The following ZNF618 variants were observed in gnomAD, a reference collection of about 807,000 sequenced individuals.
ZNF618 encodes neural precursor cell expressed, developmentally down-regulated 10.
ZNF618 carries 34 observed loss-of-function variants against 103.0 expected under a neutral mutation model. That is an observed-to-expected ratio of 0.33 (90% CI 0.25 to 0.44). The LOEUF (loss-of-function observed/expected upper bound fraction) is 0.44. Among genes scored for constraint, ZNF618 ranks in the 20% least tolerant of loss-of-function variants. The pLI is 1.00. For missense variants in ZNF618, 1,059 were observed against 1,295.4 expected (o/e 0.82, Z 2.80); for synonymous variants, 551 against 542.2 (o/e 1.02, Z -0.23).
intron 4 of ZNF618, among the ~76,000 whole-genome samples, chr9:113,999,367 G>A (rs780758770): frequency 3.5e-4 from 53 of 152,030 alleles, no homozygotes; most frequent in Middle Eastern, 3.4e-3. Context: ...TAGGCTGAGC[G>A]AGGCGCAGGC....
intron 1 of ZNF618, among the ~76,000 whole-genome samples, chr9:113,959,234 C>T (rs573108200): frequency 6.6e-6 from 1 of 152,134 alleles, no homozygotes; most frequent in Non-Finnish European, 1.5e-5. Context: ...TTGCGGTGAG[C>T]CGAGATTGCG....
chr9:113,992,375 A>G (rs1204267318), intron 3 of ZNF618, among the ~76,000 whole-genome samples: 1 of 152,072 alleles, frequency 6.6e-6, no homozygotes, highest in Non-Finnish European at 1.5e-5. Flanking sequence ...CTACCACAAC[A>G]CCTACCTCCT....
chr9:113,898,437 C>CT lies in ZNF618; in HGVS notation c.33+22024_33+22025insT, dbSNP rs771877141. 7.4e-3 allele frequency among the ~76,000 whole-genome samples: 869 copies of CT among 118,128 alleles called. 5 individuals carry two copies. The highest frequency in any genetic ancestry group is 9.8e-3 in the Non-Finnish European group (554 of 56,290). 77.5% of individuals were successfully genotyped at this position (118,128 alleles called of 152,430 possible). A position where few individuals can be genotyped will look rare whatever the true frequency, so the allele number is the denominator to read the frequency against. On this transcript the variant is annotated intron_variant, in intron 1 of 14. Coordinates refer to ENST00000374126, the MANE Select transcript of ZNF618 (RefSeq NM_001318042.2). Reference sequence around the variant, plus strand: ...TCAGTAGCTGCTTCCTCAGATTTTTCGTTTTTTTTTTTTTTTTTTAAGAGA... The same window carrying CT: ...TCAGTAGCTGCTTCCTCAGATTTTTCTGTTTTTTTTTTTTTTTTTTAAGAGA...
At chr9:113,883,288 C>T (rs1037031157) in intron 1 of ZNF618, among the ~76,000 whole-genome samples, 3 of 152,212 alleles carry the variant, frequency 2.0e-5, no homozygotes, top group African/African-American at 4.8e-5. Context: ...TGCTCCTTTA[C>T]ATGTCTTGGG....
intron 2 of ZNF618, among the ~76,000 whole-genome samples, chr9:113,987,017 T>A (rs4979310): frequency 6.6e-6 from 1 of 152,170 alleles, no homozygotes; most frequent in African/African-American, 2.4e-5. Flanking sequence ...TGTGCTGCAG[T>A]TGGAATGCTG....
chr9:113,931,715 T>TG (rs1402852330), intron 1 of ZNF618, among the ~76,000 whole-genome samples: 3 of 152,218 alleles, frequency 2.0e-5, no homozygotes, highest in Admixed American at 2.0e-4. Context: ...AGACTTAGTA[T>TG]GAAAGATTGT....
intron 2 of ZNF618, among the ~76,000 whole-genome samples, chr9:113,977,026 A>G (rs1161784894): frequency 6.6e-6 from 1 of 152,138 alleles, no homozygotes; most frequent in Non-Finnish European, 1.5e-5. Flanking sequence ...TGTGTGTCCA[A>G]GGGCAGCGTG....
chr9:113,996,382 A>G (rs1456506000), intron 3 of ZNF618, among the ~76,000 whole-genome samples: 1 of 152,100 alleles, frequency 6.6e-6, no homozygotes, highest in African/African-American at 2.4e-5. Context: ...TTGGATTTCT[A>G]TCTTGTCACA....
At chr9:114,036,206 G>GT in intron 12 of ZNF618, 94 bp from the exon 13 acceptor site, 1 of 1,188,844 alleles carries the variant, frequency 8.4e-7, no homozygotes, top group South Asian at 1.4e-5. Flanking sequence ...CCCGGTGTGT[G>GT]TTTGGGTTCC....
chr9:114,003,323 C>T (rs1841431703), intron 6 of ZNF618, among the ~76,000 whole-genome samples: 1 of 152,168 alleles, frequency 6.6e-6, no homozygotes, highest in Non-Finnish European at 1.5e-5. Flanking sequence ...GATGGAATCT[C>T]CCCACCCAAT....
intron 1 of ZNF618, among the ~76,000 whole-genome samples, chr9:113,950,441 A>C (rs1271086563): frequency 6.6e-6 from 1 of 152,170 alleles, no homozygotes; most frequent in Non-Finnish European, 1.5e-5. Flanking sequence ...GCACTCCATC[A>C]TCGCCAGTAA....
intron 1 of ZNF618, among the ~76,000 whole-genome samples, chr9:113,966,934 A>C (rs1238949526): frequency 2.0e-5 from 3 of 152,242 alleles, no homozygotes; most frequent in Admixed American, 6.5e-5. Context: ...GCTACCAGTA[A>C]CACGAAGCTG....
intron 12 of ZNF618, 143 bp from the exon 13 acceptor site, chr9:114,036,157 G>A: frequency 4.4e-6 from 3 of 681,932 alleles, no homozygotes; most frequent in Non-Finnish European, 7.7e-6. Flanking sequence ...AGTGACGGGG[G>A]AGGCAGGCAG....
At chr9:114,047,261 G>T (rs576256381) in intron 13 of ZNF618, among the ~76,000 whole-genome samples, 1 of 152,318 alleles carries the variant, frequency 6.6e-6, no homozygotes, top group African/African-American at 2.4e-5. Flanking sequence ...GGGAACCTGG[G>T]ATTATGTCCA....
chr9:113,899,565 G>A (rs1328606800), intron 1 of ZNF618, among the ~76,000 whole-genome samples: 1 of 152,200 alleles, frequency 6.6e-6, no homozygotes, highest in Non-Finnish European at 1.5e-5. Context: ...AGAATCTAAT[G>A]CCTGGTGATC....
chr9:113,963,822 C>T (rs1408342389), intron 1 of ZNF618, among the ~76,000 whole-genome samples: 1 of 152,128 alleles, frequency 6.6e-6, no homozygotes, highest in African/African-American at 2.4e-5. Context: ...GTGACATGGT[C>T]ATGTGTGGGA....
intron 1 of ZNF618, among the ~76,000 whole-genome samples, chr9:113,956,638 T>A (rs1045378350): frequency 1.3e-5 from 2 of 152,186 alleles, no homozygotes; most frequent in Non-Finnish European, 2.9e-5. Flanking sequence ...GGAGCAAGGC[T>A]GCAGAGTGGC....
intron 1 of ZNF618, among the ~76,000 whole-genome samples, chr9:113,956,632 C>T (rs948401076): frequency 1.3e-5 from 2 of 152,132 alleles, no homozygotes; most frequent in Non-Finnish European, 2.9e-5. Flanking sequence ...TGGTGGGGAG[C>T]AAGGCTGCAG....
intron 1 of ZNF618, among the ~76,000 whole-genome samples, chr9:113,892,038 A>T (rs1829655450): frequency 2.0e-5 from 3 of 152,176 alleles, no homozygotes; most frequent in Admixed American, 1.3e-4. Context: ...AGAAATGGAA[A>T]GTGAAATGGT....
Sources: allele counts gnomAD v4.1 joint callset (sites outside exome capture counted in the v4.1 genomes callset), GRCh38; gene constraint gnomAD v4.1.1; transcripts MANE v1.5; gene names NCBI Gene and HGNC (gene_info 2026-07-23, HGNC 2026-07-21).